The following AEBP2 variants were observed in gnomAD, a reference collection of about 807,000 sequenced individuals.
The protein encoded by AEBP2 is AE binding protein 2, also known as zinc finger protein AEBP2.
Under a neutral mutation model 50.8 loss-of-function variants are expected in AEBP2, and 10 were observed. The ratio of observed to expected loss-of-function variants is 0.20; its 90% CI spans 0.12 to 0.33. The LOEUF (loss-of-function observed/expected upper bound fraction) is 0.33. Among genes scored for constraint, AEBP2 ranks in the 10% least tolerant of loss-of-function variants. The pLI is 1.00. For synonymous variants in AEBP2, 296 were observed against 261.3 expected, an observed-to-expected ratio of 1.13 and a Z score of -1.28; for missense variants, 570 against 688.0, an observed-to-expected ratio of 0.83 and a Z score of 1.92.
At chr12:19,453,129 C>T (rs376935789) in intron 1 of AEBP2, among the ~76,000 whole-genome samples, 5 of 151,936 alleles carry the variant, frequency 3.3e-5, no homozygotes, top group East Asian at 2.0e-4. Flanking sequence ...CCACCAGCCC[C>T]GGATGATTTT....
At chr12:19,440,745 G>A (rs1947941815) in intron 1 of AEBP2, 4 of 1,533,406 alleles carry the variant, frequency 2.6e-6, no homozygotes, top group African/African-American at 1.4e-5. Flanking sequence ...TCTTCCAACC[G>A]TGTTCGGGAA....
chr12:19,494,773 C>T (rs193026839), intron 4 of AEBP2, among the ~76,000 whole-genome samples: 1 of 152,120 alleles, frequency 6.6e-6, no homozygotes, highest in East Asian at 1.9e-4. Context: ...CAAAATGTAT[C>T]CTTGATGTTT....
chr12:19,444,762 T>TA (rs1203165520), intron 1 of AEBP2, among the ~76,000 whole-genome samples: 1 of 152,228 alleles, frequency 6.6e-6, no homozygotes, highest in African/African-American at 2.4e-5. Context: ...TGTAGAATGG[T>TA]ATTTTGGAGG....
intron 3 of AEBP2, among the ~76,000 whole-genome samples, chr12:19,484,699 CT>C (rs1232125678): frequency 1.3e-5 from 2 of 151,988 alleles, no homozygotes; most frequent in Non-Finnish European, 2.9e-5. Flanking sequence ...ATTAGTATTT[CT>C]TTCATTATGG....
intron 1 of AEBP2, among the ~76,000 whole-genome samples, chr12:19,426,728 ACC>A (rs1219048989): frequency 6.6e-6 from 1 of 151,888 alleles, no homozygotes; most frequent in Non-Finnish European, 1.5e-5. Flanking sequence ...ACATGGTGAA[ACC>A]CCATCTCTAC....
rs546723414 is a variant in AEBP2 at position 19,500,633 on chromosome 12, C to G, written c.1299+412C>G. Among the ~76,000 whole-genome samples the G allele has an allele frequency of 5.1e-4, 77 of 152,202 alleles. No individual in the cohort carries two copies. The South Asian group carries it at 0.015, about 30-fold the overall frequency. ...TGTACTGCATGGAGCCACCTCTTAC[C>G]CCACGTACCCATCCAAAGTTTATGT... On this transcript the variant is annotated intron_variant, in intron 5 of 7. Transcript: ENST00000266508.
At chr12:19,485,039 TAA>T (rs918343155) in intron 3 of AEBP2, among the ~76,000 whole-genome samples, 6 of 152,186 alleles carry the variant, frequency 3.9e-5, no homozygotes, top group Admixed American at 2.0e-4. Context: ...ACACTAAATA[TAA>T]GAGATTATTT....
intron 1 of AEBP2, chr12:19,440,610 C>T (rs1312136014): frequency 2.7e-6 from 4 of 1,477,778 alleles, no homozygotes; most frequent in African/African-American, 1.4e-5. Context: ...TCTTTCCCCT[C>T]GGCGCTTCGC....
chr12:19,445,208 A>AT (rs1045123114), intron 1 of AEBP2, among the ~76,000 whole-genome samples: 1 of 149,956 alleles, frequency 6.7e-6, no homozygotes, highest in South Asian at 2.1e-4. Flanking sequence ...CAGATGCTTT[A>AT]TTTTTTTTGA....
chr12:19,440,226 G>A lies in AEBP2; in HGVS notation c.527G>A (p.Ser176Asn). 6.8e-7 allele frequency: 1 copy of A among 1,472,874 alleles called. No homozygotes were observed. The allele number at this position is 1,472,874 out of a possible 1,614,324, so 91.2% of individuals were successfully genotyped here. ...GSQGGGGGGS[S>N]SSSVVSSGGD... is the part of the protein sequence containing the mutation. ...CAGGGCGGCGGCGGGGGCGGCAGCA[G>A]TAGCAGCAGCGTAGTCTCCAGCGGC... The change falls in exon 1 of 8, where the codon AGT (serine) becomes AAT (asparagine). Residue 176 changes from serine to asparagine, a missense_variant. Ser to Asn is a conservative substitution (Grantham distance 46, BLOSUM62 1). Around this residue, in one of 2 missense-constraint regions of AEBP2, gnomAD observed 386 missense variants for 336.8 expected, o/e 1.15. Coordinates refer to ENST00000266508, the MANE Select transcript of AEBP2 (RefSeq NM_153207.5).
At chr12:19,465,255 A>G (rs1261237883) in intron 2 of AEBP2, among the ~76,000 whole-genome samples, 4 of 151,886 alleles carry the variant, frequency 2.6e-5, no homozygotes, top group Non-Finnish European at 5.9e-5. Context: ...TTAGCTGGGT[A>G]TAGTTGCGTC....
chr12:19,466,914 G>T, intron 2 of AEBP2: 3 of 661,544 alleles, frequency 4.5e-6, no homozygotes, highest in Non-Finnish European at 5.6e-6. Context: ...TATAATCTTT[G>T]CCCTGGGGAG....
intron 1 of AEBP2, among the ~76,000 whole-genome samples, chr12:19,453,070 G>T (rs1050701270): frequency 6.9e-6 from 1 of 145,254 alleles, no homozygotes; most frequent in African/African-American, 2.5e-5. Context: ...CCAGGTTCAC[G>T]CCATTCTCCT....
intron 6 of AEBP2, among the ~76,000 whole-genome samples, chr12:19,512,952 A>G (rs921568878): frequency 1.3e-4 from 20 of 152,182 alleles, no homozygotes; most frequent in African/African-American, 4.8e-4. Context: ...TCTCAAAAAC[A>G]AAAACAACAA....
intron 1 of AEBP2, among the ~76,000 whole-genome samples, chr12:19,459,188 G>A (rs1329369729): frequency 6.6e-6 from 1 of 152,106 alleles, no homozygotes; most frequent in East Asian, 1.9e-4. Context: ...AGGGAAAATA[G>A]GTAACCATTT....
chr12:19,407,508 T>G (rs1195631632), intron 1 of AEBP2, among the ~76,000 whole-genome samples: 1 of 152,110 alleles, frequency 6.6e-6, no homozygotes, highest in East Asian at 1.9e-4. Flanking sequence ...TTCACCATGT[T>G]GGCCAGGCAG....
At chr12:19,418,445 A>T (rs1274305501) in intron 1 of AEBP2, among the ~76,000 whole-genome samples, 6 of 126,532 alleles carry the variant, frequency 4.7e-5, no homozygotes, top group African/African-American at 9.3e-5. Flanking sequence ...TGCCCAGGCT[A>T]GTCTTGAACT....
intron 1 of AEBP2, among the ~76,000 whole-genome samples, chr12:19,445,370 C>CT (rs55898072): frequency 0.016 from 2,145 of 135,540 alleles, 36 homozygotes; most frequent in African/African-American, 0.04. Flanking sequence ...TGCTCGTTTT[C>CT]TTTTTTTTTT....
intron 5 of AEBP2, among the ~76,000 whole-genome samples, chr12:19,511,490 C>G (rs1949232041): frequency 6.6e-6 from 1 of 152,196 alleles, no homozygotes; most frequent in Non-Finnish European, 1.5e-5. Context: ...CTAAGAGTGA[C>G]CCTTTCCTAA....
Sources: allele counts gnomAD v4.1 joint callset (sites outside exome capture counted in the v4.1 genomes callset), GRCh38; gene constraint gnomAD v4.1.1; regional missense constraint gnomAD v4.1.1; transcripts MANE v1.5; gene names NCBI Gene and HGNC (gene_info 2026-07-23, HGNC 2026-07-21).